HPX: variants seen among roughly 807,000 people sequenced by gnomAD.
The protein encoded by HPX is beta-1B-glycoprotein.
Under a neutral mutation model 53.8 loss-of-function variants are expected in HPX, and 42 were observed. That is an observed-to-expected ratio of 0.78 (90% confidence interval 0.61 to 1.01). HPX has a LOEUF of 1.01. HPX is among the 50% of genes least tolerant of loss of function. HPX has a pLI of 0.00. For missense variants in HPX, 547 were observed against 594.3 expected (o/e 0.92, Z 0.83); for synonymous variants, 229 against 221.1 (o/e 1.04, Z -0.32).
At position 6,440,282 on chromosome 11, in the gene HPX, C is replaced by G; in HGVS notation, c.219G>C (p.Glu73Asp). Residue 73 changes from glutamate to aspartate, a missense_variant, in exon 4 of 10, where the codon GAG becomes GAC. Transcript: ENST00000265983. ...DNGTMLFFKG[E>D]FVWKSHKWDR... Reference sequence around the variant, plus strand: ...CCCATTTGTGACTCTTCCACACAAACTCCCCTGAAAAAACCCACACTCACT... The same window carrying G: ...CCCATTTGTGACTCTTCCACACAAAGTCCCCTGAAAAAACCCACACTCACT... 1 of 1,613,922 alleles carries G rather than the reference C, an allele frequency of 6.2e-7. No homozygotes were observed. The highest frequency in any genetic ancestry group is 8.5e-7 in the Non-Finnish European group (1 of 1,180,022).
At chr11:6,434,192 A>C (rs1276907863) in intron 7 of HPX, among the ~76,000 whole-genome samples, 4 of 152,200 alleles carry the variant, frequency 2.6e-5, no homozygotes, top group African/African-American at 9.7e-5. Context: ...TTTGTTGAGT[A>C]AATACCTAGT....
chr11:6,432,131 A>G lies in HPX; in HGVS notation c.836-114T>C, dbSNP rs1010693553. ...AGGGAGAGAATGCATCCAGAGGCCA[A>G]GATGGAAGAGGCCAGGTGAGAAGGA... On this transcript the variant is annotated intron_variant, in intron 7 of 9. Coordinates refer to ENST00000265983, the MANE Select transcript of HPX (RefSeq NM_000613.3). 96 of 1,165,048 alleles carry G rather than the reference A, an allele frequency of 8.2e-5. No individual in the cohort carries two copies. The South Asian group carries it at 1.2e-3, about 15-fold the overall frequency. The allele number at this position is 1,165,048 out of a possible 1,614,324, so 72.2% of individuals were successfully genotyped here.
rs1178551214 is a variant in HPX, at chr11:6,432,034, G to C, written c.836-17C>G. On this transcript the variant is annotated splice_polypyrimidine_tract_variant and intron_variant, in intron 7 of 9. Transcript: ENST00000265983. ...AGTGGGTCCCTGTGGAATACCATAG[G>C]TTGCTCTAGGGCCGCTGGCAGAAGC... 2 of 1,614,030 alleles carry C rather than the reference G, an allele frequency of 1.2e-6. No homozygotes were observed. Among genetic ancestry groups the C allele is most frequent in the Non-Finnish European group, 8.5e-7 (1 of 1,180,002 alleles).
chr11:6,431,384 C>A lies in HPX; in HGVS notation c.1216G>T (p.Ala406Ser). The part of the protein sequence containing the change: ...LPWPHEKVDG[A>S]LCMEKSLGPN... Reference sequence around the variant, plus strand: ...CCAAGGGACTTTTCCATACACAAGGCTCCGTCTACCTTCTCATGGGGCCAA... The same window carrying A: ...CCAAGGGACTTTTCCATACACAAGGATCCGTCTACCTTCTCATGGGGCCAA... Residue 406 changes from alanine to serine, a missense_variant, in exon 10 of 10, where the codon GCC (alanine) becomes TCC (serine). Ala to Ser is a moderately conservative substitution (Grantham distance 99). Transcript: ENST00000265983. The A allele has an allele frequency of 6.2e-7, 1 of 1,614,270 alleles. No homozygotes were observed. Among genetic ancestry groups the A allele is most frequent in the Non-Finnish European group, 8.5e-7 (1 of 1,180,052 alleles).
rs1440951850 is a variant in HPX, at chr11:6,440,706, A to G, written c.108T>C (p.Ala36=). Residue 36 remains alanine, a synonymous_variant, in exon 2 of 10, where the codon GCT becomes GCC. Transcript: ENST00000265983. The part of the protein sequence containing the change: ...LPPTSAHGNV[A]EGETKPDPDV... ...CTGGGTCTGGCTTGGTCTCGCCTTC[A>G]GCAACATTCCCATGGGCACTAGTCC... The G allele has an allele frequency of 2.5e-6, 4 of 1,613,802 alleles. No individual in the cohort carries two copies. The highest frequency in any genetic ancestry group is 8.5e-7 in the Non-Finnish European group (1 of 1,179,950).
In HPX at chr11:6,440,256, T is replaced by G; in HGVS notation, c.245A>C (p.Asp82Ala). ...CCATCTCTCTGAGATTAACTCCCGG[T>G]CCCATTTGTGACTCTTCCACACAAA... ...GEFVWKSHKWDRELISERWKN... is the reference protein window; with the variant it reads ...GEFVWKSHKWARELISERWKN... Residue 82 changes from aspartate to alanine, a missense_variant, in exon 4 of 10, where the codon GAC (aspartate) becomes GCC (alanine). By Grantham distance (126) the Asp-to-Ala change is moderately radical (BLOSUM62 -2). Transcript: ENST00000265983. The G allele has an allele frequency of 6.2e-7, 1 of 1,613,748 alleles. No homozygotes were observed. The highest frequency in any genetic ancestry group is 8.5e-7 in the Non-Finnish European group (1 of 1,179,964).
intron 7 of HPX, among the ~76,000 whole-genome samples, chr11:6,433,599 C>T (rs141872066): frequency 1.4e-3 from 211 of 152,374 alleles, no homozygotes; most frequent in African/African-American, 4.7e-3. Flanking sequence ...GACAACTGCA[C>T]GGATTGCTAG....
chr11:6,434,512 G>C (rs991073543), intron 7 of HPX, among the ~76,000 whole-genome samples: 1 of 152,106 alleles, frequency 6.6e-6, no homozygotes, highest in African/African-American at 2.4e-5. Flanking sequence ...TGTATTTTTA[G>C]TAGAGATGAG....
In HPX at chr11:6,431,887, C is replaced by A. The variant is rs1849354802; in HGVS notation, c.966G>T (p.Gln322His). Residue 322 changes from glutamine to histidine, a missense_variant and splice_region_variant, in exon 8 of 10, where the codon CAG becomes CAT. Physicochemically the swap from Gln to His is conservative, Grantham distance 24 (BLOSUM62 0). Coordinates refer to ENST00000265983, the MANE Select transcript of HPX (RefSeq NM_000613.3). Reference protein sequence around the residue: ...FSWEEKLYLVQGTQVYVFLTK... With the variant: ...FSWEEKLYLVHGTQVYVFLTK... ...CTCAAGCCTCTCCCCCAATACACACCTGGACCAGATAGAGTTTTTCTTCCC... is the reference window on the plus strand; with the variant it reads ...CTCAAGCCTCTCCCCCAATACACACATGGACCAGATAGAGTTTTTCTTCCC... 1 of 1,614,036 alleles carries A rather than the reference C, an allele frequency of 6.2e-7. No individual in the cohort carries two copies. The highest frequency in any genetic ancestry group is 1.7e-5 in the Admixed American group (1 of 60,014).
At chr11:6,437,336 G>A in intron 6 of HPX, 104 bp downstream of exon 6, 1 of 1,365,396 alleles carries the variant, frequency 7.3e-7, no homozygotes, top group Non-Finnish European at 1.0e-6. Context: ...AAGGGCCAAG[G>A]TGTCGCAACA....
intron 9 of HPX, 78 bp from the exon 10 acceptor site, chr11:6,431,548 T>C: frequency 6.2e-7 from 1 of 1,606,806 alleles, no homozygotes; most frequent in Non-Finnish European, 8.5e-7. Flanking sequence ...GCCCTGGGGA[T>C]CCTGACCTAG....
At chr11:6,440,567 T>C (rs1368430201) in intron 2 of HPX, 29 bp from the exon 3 acceptor site, 2 of 589,000 alleles carry the variant, frequency 3.4e-6, no homozygotes, top group South Asian at 1.9e-5. Context: ...GATGGCAAAG[T>C]AAAAAAAAAA....
At chr11:6,435,864 C>T (rs1312843094) in intron 7 of HPX, among the ~76,000 whole-genome samples, 1 of 152,212 alleles carries the variant, frequency 6.6e-6, no homozygotes, top group Non-Finnish European at 1.5e-5. Context: ...CTCATTATGG[C>T]CACATGGCCT....
chr11:6,437,457 A>G lies in HPX; in HGVS notation c.686T>C (p.Met229Thr). The G allele has an allele frequency of 6.2e-7, 1 of 1,613,702 alleles. No individual in the cohort carries two copies. Among genetic ancestry groups the G allele is most frequent in the Non-Finnish European group, 8.5e-7 (1 of 1,179,942 alleles). ...RYPRDVRDYF[M>T]PCPGRGHGHR... ...TTTCTCACCTCTGCCAGGGCAGGGCATGAAGTAGTCTCGGACATCCCGCGG... is the reference window on the plus strand; with the variant it reads ...TTTCTCACCTCTGCCAGGGCAGGGCGTGAAGTAGTCTCGGACATCCCGCGG... The change falls in exon 6 of 10, where the codon ATG becomes ACG. Residue 229 changes from methionine (M) to threonine (T), a missense_variant. Met to Thr is a moderately conservative substitution (Grantham distance 81). Transcript: ENST00000265983.
chr11:6,438,086 T>G, intron 5 of HPX: 1 of 531,962 alleles, frequency 1.9e-6, no homozygotes, highest in Admixed American at 3.4e-5. Flanking sequence ...GAGACTTGTA[T>G]GTAAGACTAA....
Sources: gnomAD v4.1 joint callset for allele counts (sites outside exome capture counted in the v4.1 genomes callset) on GRCh38, gnomAD v4.1.1 for gene constraint, MANE v1.5 for transcripts, NCBI Gene and HGNC (gene_info 2026-07-23, HGNC 2026-07-21) for gene names.